Variants in MLLT10 observed in about 807,000 individuals in gnomAD.
The protein encoded by MLLT10 is MLLT10 histone lysine methyltransferase DOT1L cofactor.
Under a neutral mutation model 129.1 loss-of-function variants are expected in MLLT10, and 30 were observed. The ratio of observed to expected loss-of-function variants is 0.23; its 90% CI spans 0.17 to 0.32. The LOEUF (loss-of-function observed/expected upper bound fraction) is 0.32. Among genes scored for constraint, MLLT10 ranks in the 10% least tolerant of loss-of-function variants. The pLI, the probability that MLLT10 is intolerant of heterozygous loss-of-function variation, is 1.00. For missense variants in MLLT10, 1,119 were observed against 1,268.3 expected (o/e 0.88, Z 1.79); for synonymous variants, 490 against 446.4 (o/e 1.10, Z -1.23).
At chr10:21,741,145 T>C (rs2058798518) in intron 22 of MLLT10, among the ~76,000 whole-genome samples, 2 of 152,230 alleles carry the variant, frequency 1.3e-5, no homozygotes, top group African/African-American at 4.8e-5. Flanking sequence ...TCATGAACTC[T>C]TCAGTGCTTT....
intron 16 of MLLT10, among the ~76,000 whole-genome samples, chr10:21,729,238 T>G (rs1392825920): frequency 6.6e-6 from 1 of 152,186 alleles, no homozygotes; most frequent in African/African-American, 2.4e-5. Flanking sequence ...TTGCTCAGTG[T>G]TTAGTGGAAG....
chr10:21,724,661 G>T (rs965978856), intron 14 of MLLT10, among the ~76,000 whole-genome samples: 1 of 152,246 alleles, frequency 6.6e-6, no homozygotes, highest in African/African-American at 2.4e-5. Flanking sequence ...TCAGGCCACT[G>T]AGAGTCTTCT....
chr10:21,626,708 A>G (rs2046481319), intron 8 of MLLT10, among the ~76,000 whole-genome samples: 1 of 152,234 alleles, frequency 6.6e-6, no homozygotes, highest in Admixed American at 6.5e-5. Context: ...TCAAAGGAAT[A>G]AAACTCTCAG....
chr10:21,559,991 A>T (rs1423203104), intron 3 of MLLT10, among the ~76,000 whole-genome samples: 1 of 151,930 alleles, frequency 6.6e-6, no homozygotes, highest in Admixed American at 6.6e-5. Context: ...TTGCTGGATC[A>T]CATGGTAATT....
At chr10:21,623,823 T>C (rs1176734822) in intron 8 of MLLT10, among the ~76,000 whole-genome samples, 1 of 152,236 alleles carries the variant, frequency 6.6e-6, no homozygotes, top group Non-Finnish European at 1.5e-5. Context: ...AGCTGTGTTT[T>C]CACAGAGAGT....
chr10:21,534,770 C>G lies in MLLT10; in HGVS notation c.126C>G (p.Cys42Trp). The G allele has an allele frequency of 6.2e-7, 1 of 1,611,808 alleles. No homozygotes were observed. Residue 42 changes from cysteine (C) to tryptophan (W), a missense_variant, in exon 2 of 23, where the codon TGC (cysteine) becomes TGG (tryptophan). Physicochemically the swap from Cys to Trp is radical, Grantham distance 215. Coordinates refer to ENST00000307729, the MANE Select transcript of MLLT10 (RefSeq NM_001195626.3). ...RGWAENPLVY[C>W]DGHGCSVAVH... ...GGGCCGAGAACCCGCTGGTTTATTG[C>G]GACGGGCACGGCTGCAGCGTCGCGG...
intron 3 of MLLT10, among the ~76,000 whole-genome samples, chr10:21,559,537 T>A (rs1364816169): frequency 2.0e-5 from 3 of 152,216 alleles, no homozygotes; most frequent in Non-Finnish European, 4.4e-5. Context: ...TTAAGTACAT[T>A]CACAGTGTTT....
At chr10:21,715,136 G>A (rs187439611) in intron 14 of MLLT10, among the ~76,000 whole-genome samples, 5 of 152,246 alleles carry the variant, frequency 3.3e-5, no homozygotes, top group Non-Finnish European at 7.4e-5. Context: ...TTATGGATGC[G>A]TGCATAATTT....
chr10:21,602,590 C>T lies in MLLT10; in HGVS notation c.405+7150C>T, dbSNP rs185991868. Among the ~76,000 whole-genome samples the T allele has an allele frequency of 3.9e-5, 6 of 152,274 alleles. No homozygotes were observed. The East Asian group carries it at 1.2e-3, about 29-fold the overall frequency. The stretch of plus-strand genomic sequence containing the variant: ...TATGTGACACTAGGGGCATATAGAT[C>T]ATTTTTAAGGGAATATAAGTAACTG... On this transcript the variant is annotated intron_variant, in intron 5 of 22. Coordinates refer to ENST00000307729, the MANE Select transcript of MLLT10 (RefSeq NM_001195626.3).
intron 3 of MLLT10, among the ~76,000 whole-genome samples, chr10:21,562,324 TG>T (rs2038921514): frequency 1.3e-5 from 2 of 150,940 alleles, no homozygotes; most frequent in South Asian, 2.1e-4. Context: ...TTTTTATTTT[TG>T]TTTTTTTATT....
chr10:21,575,026 C>A (rs1254342669), intron 3 of MLLT10, among the ~76,000 whole-genome samples: 1 of 152,142 alleles, frequency 6.6e-6, no homozygotes, highest in African/African-American at 2.4e-5. Flanking sequence ...CATTCTGGTT[C>A]AGAGGCCTCT....
chr10:21,555,821 C>T (rs1391235608), intron 3 of MLLT10, among the ~76,000 whole-genome samples: 4 of 151,410 alleles, frequency 2.6e-5, no homozygotes, highest in South Asian at 2.1e-4. Context: ...GCATGCACCA[C>T]GATGCCCAGC....
intron 3 of MLLT10, among the ~76,000 whole-genome samples, chr10:21,555,841 A>G (rs769206283): frequency 6.9e-6 from 1 of 145,068 alleles, no homozygotes; most frequent in East Asian, 2.1e-4. Flanking sequence ...CTAATTTTGT[A>G]TTTTTAGTAG....
intron 2 of MLLT10, 85 bp from the exon 3 acceptor site, chr10:21,538,748 T>C: frequency 1.1e-6 from 1 of 921,058 alleles, no homozygotes; most frequent in South Asian, 1.5e-5. Flanking sequence ...TAGTGACAGG[T>C]GGATTAATAG....
chr10:21,681,444 T>C, intron 12 of MLLT10, 68 bp downstream of exon 12: 1 of 1,087,792 alleles, frequency 9.2e-7, no homozygotes, highest in Non-Finnish European at 1.4e-6. Context: ...TAGTATGTTA[T>C]GCCACCTCGG....
chr10:21,735,002 C>T (rs1466048509), intron 20 of MLLT10, 137 bp from the exon 21 acceptor site: 1 of 630,570 alleles, frequency 1.6e-6, no homozygotes, highest in Admixed American at 2.9e-5. Context: ...TTGTACATAA[C>T]TGTTTTCAGA....
chr10:21,534,863 C>T (rs2033541161), intron 2 of MLLT10, 59 bp downstream of exon 2: 1 of 1,184,962 alleles, frequency 8.4e-7, no homozygotes, highest in Non-Finnish European at 1.1e-6. Context: ...CACCGCCGCC[C>T]CCACCTGGGC....
chr10:21,555,977 G>A (rs2037888751), intron 3 of MLLT10, among the ~76,000 whole-genome samples: 1 of 150,346 alleles, frequency 6.7e-6, no homozygotes, highest in Admixed American at 6.6e-5. Context: ...CACTGTGCAC[G>A]GCCCTTTTTT....
At chr10:21,581,222 T>C (rs1442292783) in intron 3 of MLLT10, among the ~76,000 whole-genome samples, 1 of 151,698 alleles carries the variant, frequency 6.6e-6, no homozygotes, top group East Asian at 1.9e-4. Context: ...ATTTTTTTTG[T>C]ACTTTTAGTA....
Sources: allele counts gnomAD v4.1 joint callset (sites outside exome capture counted in the v4.1 genomes callset), GRCh38; gene constraint gnomAD v4.1.1; transcripts MANE v1.5; gene names NCBI Gene and HGNC (gene_info 2026-07-23, HGNC 2026-07-21).